Variants in RGS22 observed in about 807,000 individuals in gnomAD.
RGS22 encodes regulator of G protein signaling 22.
A neutral mutation model predicts 172.9 loss-of-function variants in RGS22; 148 were observed. The ratio of observed to expected loss-of-function variants is 0.86; its 90% CI spans 0.75 to 0.98. The LOEUF is 0.98. RGS22 is among the 50% of genes least tolerant of loss of function. The pLI, the probability that RGS22 is intolerant of heterozygous loss-of-function variation, is 0.00. For missense variants in RGS22, 1,347 were observed against 1,440.8 expected (o/e 0.93, Z 1.05); for synonymous variants, 458 against 480.2 (o/e 0.95, Z 0.60).
intron 4 of RGS22, among the ~76,000 whole-genome samples, chr8:100,075,987 T>C (rs1586217863): frequency 6.6e-6 from 1 of 152,244 alleles, no homozygotes; most frequent in East Asian, 1.9e-4. Context: ...ACTAATGATG[T>C]TGAAAATCTT....
At chr8:100,068,295 A>G (rs1810685805) in intron 6 of RGS22, among the ~76,000 whole-genome samples, 1 of 151,966 alleles carries the variant, frequency 6.6e-6, no homozygotes, top group African/African-American at 2.4e-5. Context: ...GAGGCGGGAG[A>G]ATCGCTTGAG....
At chr8:100,055,199 A>T (rs1490721196) in intron 9 of RGS22, among the ~76,000 whole-genome samples, 2 of 152,224 alleles carry the variant, frequency 1.3e-5, no homozygotes, top group Non-Finnish European at 2.9e-5. Flanking sequence ...GGCTTGGGCA[A>T]GACCCAGTGA....
chr8:100,048,740 A>C (rs1820985153), intron 10 of RGS22, among the ~76,000 whole-genome samples: 1 of 152,152 alleles, frequency 6.6e-6, no homozygotes, highest in Non-Finnish European at 1.5e-5. Flanking sequence ...GAGTTACCAC[A>C]AGAGGCTGAG....
chr8:100,004,104 G>T lies in RGS22; in HGVS notation c.2455-6C>A, dbSNP rs749231943. 7 of 1,582,540 alleles carry T rather than the reference G, an allele frequency of 4.4e-6. No homozygotes were observed. Among genetic ancestry groups the T allele is most frequent in the Non-Finnish European group, 6.0e-6 (7 of 1,164,040 alleles). ...CCAATTTCACAAGTGGTGTCCTAGT[G>T]AAATAGTACTTTTCAGCAAAAATCT... On this transcript the variant is annotated splice_region_variant and splice_polypyrimidine_tract_variant and intron_variant, in intron 16 of 27. Transcript: ENST00000360863.
chr8:100,060,465 A>G (rs1158227543), intron 9 of RGS22, among the ~76,000 whole-genome samples: 1 of 135,912 alleles, frequency 7.4e-6, no homozygotes, highest in Non-Finnish European at 1.6e-5. Flanking sequence ...ATGAAATACC[A>G]ATCATAAAAA....
In RGS22 at chr8:100,045,854, G is replaced by GAT. The variant is rs146250786; in HGVS notation, c.1823+1607_1823+1608dup. Among the ~76,000 whole-genome samples, 115 of 149,802 alleles carry GAT rather than the reference G, an allele frequency of 7.7e-4. 1 individual carries two copies. The highest frequency in any genetic ancestry group is 1.9e-3 in the African/African-American group (79 of 40,972). ...ATGAAGATAATGTTTTCTTTATGGGGATATATATATATATGAAATAGAGCA... is the reference window on the plus strand; with the variant it reads ...ATGAAGATAATGTTTTCTTTATGGGGATATATATATATATATGAAATAGAGCA... On this transcript the variant is annotated intron_variant, in intron 11 of 27. Coordinates refer to ENST00000360863, the MANE Select transcript of RGS22 (RefSeq NM_015668.5).
chr8:99,973,195 C>T (rs553839880), intron 23 of RGS22, among the ~76,000 whole-genome samples: 1 of 152,184 alleles, frequency 6.6e-6, no homozygotes, highest in Admixed American at 6.5e-5. Context: ...AATCATTCTA[C>T]TATAAAGACA....
At chr8:100,040,455 A>T (rs1441457615) in intron 12 of RGS22, among the ~76,000 whole-genome samples, 1 of 151,938 alleles carries the variant, frequency 6.6e-6, no homozygotes, top group Non-Finnish European at 1.5e-5. Flanking sequence ...TTTAGCCTTG[A>T]AGTGCTGCTA....
intron 20 of RGS22, among the ~76,000 whole-genome samples, chr8:99,989,250 C>G (rs991952819): frequency 6.6e-6 from 1 of 152,022 alleles, no homozygotes; most frequent in Non-Finnish European, 1.5e-5. Flanking sequence ...TTATTAGGAC[C>G]TGCAGAAGGA....
intron 3 of RGS22, 85 bp from the exon 4 acceptor site, chr8:100,080,440 G>A (rs1186858862): frequency 1.1e-6 from 1 of 873,042 alleles, no homozygotes; most frequent in Non-Finnish European, 1.8e-6. Flanking sequence ...TTACATACAT[G>A]CATGCATACC....
chr8:100,030,087 T>C (rs868482958), intron 14 of RGS22, among the ~76,000 whole-genome samples: 2 of 152,216 alleles, frequency 1.3e-5, no homozygotes, highest in Admixed American at 6.5e-5. Flanking sequence ...TATACAGTCA[T>C]GTGCTGCATA....
chr8:100,057,558 TC>T (rs1310546828), intron 9 of RGS22, among the ~76,000 whole-genome samples: 1 of 152,086 alleles, frequency 6.6e-6, no homozygotes, highest in African/African-American at 2.4e-5. Context: ...CCCATGCTGG[TC>T]TTGTGGTAGT....
At chr8:100,074,579 T>A (rs955446043) in intron 4 of RGS22, among the ~76,000 whole-genome samples, 11 of 152,226 alleles carry the variant, frequency 7.2e-5, no homozygotes, top group Non-Finnish European at 1.0e-4. Context: ...TTATCTATGT[T>A]CTTTCATGTA....
chr8:99,965,830 CT>C (rs1201117714), intron 23 of RGS22, among the ~76,000 whole-genome samples: 1 of 152,056 alleles, frequency 6.6e-6, no homozygotes, highest in Non-Finnish European at 1.5e-5. Flanking sequence ...TACGTTTGCT[CT>C]TTTTAAATCT....
rs560285645 is a variant in RGS22 at position 100,081,778 on chromosome 8, G to C, written c.118-1423C>G. Among the ~76,000 whole-genome samples, 8 of 152,206 alleles carry C rather than the reference G, an allele frequency of 5.3e-5. No individual in the cohort carries two copies. In the South Asian group the frequency reaches 1.5e-3, roughly 28 times the overall value. Reference sequence around the variant, plus strand: ...GATAGGAAATTAATTAAACTTGGTAGAGAATGACATCAAATATTAATGGGA... The same window carrying C: ...GATAGGAAATTAATTAAACTTGGTACAGAATGACATCAAATATTAATGGGA... On this transcript the variant is annotated intron_variant, in intron 3 of 27. Coordinates refer to ENST00000360863, the MANE Select transcript of RGS22 (RefSeq NM_015668.5).
chr8:100,030,417 G>C (rs1032923224), intron 14 of RGS22, among the ~76,000 whole-genome samples: 1 of 152,138 alleles, frequency 6.6e-6, no homozygotes, highest in African/African-American at 2.4e-5. Flanking sequence ...AACAGGCTCA[G>C]GCAGGTGCTT....
chr8:100,083,535 T>G (rs899505824), intron 3 of RGS22, among the ~76,000 whole-genome samples: 1 of 151,988 alleles, frequency 6.6e-6, no homozygotes, highest in African/African-American at 2.4e-5. Flanking sequence ...GCCAAGCTAA[T>G]TTTTGTATTT....
At chr8:100,105,787 TG>T in intron 1 of RGS22, 109 bp downstream of exon 1, 1 of 967,450 alleles carries the variant, frequency 1.0e-6, no homozygotes, top group Non-Finnish European at 1.5e-6. Flanking sequence ...TTCTCATGTC[TG>T]GGAGCGGGGA....
intron 14 of RGS22, among the ~76,000 whole-genome samples, chr8:100,037,201 G>A (rs1819600298): frequency 6.6e-6 from 1 of 152,114 alleles, no homozygotes. Context: ...GGCTGAGGCA[G>A]CAGGATCACT....
Sources: allele counts gnomAD v4.1 joint callset (sites outside exome capture counted in the v4.1 genomes callset), GRCh38; gene constraint gnomAD v4.1.1; transcripts MANE v1.5; gene names NCBI Gene and HGNC (gene_info 2026-07-23, HGNC 2026-07-21).